The following POGLUT1 variants were observed in gnomAD, a reference collection of about 807,000 sequenced individuals.
The protein encoded by POGLUT1 is protein O-glucosyltransferase 1.
POGLUT1 carries 32 observed loss-of-function variants against 61.3 expected under a neutral mutation model. The observed-to-expected ratio is 0.52, with a 90% CI of 0.39 to 0.70. The LOEUF (loss-of-function observed/expected upper bound fraction) is 0.70, where lower values mean the gene tolerates loss of function less well. POGLUT1 is among the 30% of genes least tolerant of loss of function. The pLI is 0.00. For missense variants in POGLUT1, 411 were observed against 469.8 expected (o/e 0.87, Z 1.16); for synonymous variants, 158 against 158.2 (o/e 1.00, Z 0.01).
chr3:119,482,966 G>T (rs969297884), intron 5 of POGLUT1, among the ~76,000 whole-genome samples: 11 of 152,324 alleles, frequency 7.2e-5, no homozygotes, highest in African/African-American at 2.6e-4. Flanking sequence ...GAGGGAGGAT[G>T]GGTAGGTTAG....
intron 7 of POGLUT1, chr3:119,488,104 C>T (rs570483846): frequency 3.3e-5 from 5 of 152,264 alleles, no homozygotes; most frequent in African/African-American, 1.2e-4. Flanking sequence ...CTAAGTAAAT[C>T]TGAGGTGCAT....
At chr3:119,489,575 G>A (rs2081714854) in intron 8 of POGLUT1, 1 of 152,362 alleles carries the variant, frequency 6.6e-6, no homozygotes, top group South Asian at 2.1e-4. Flanking sequence ...AGCAACTCTG[G>A]TTGGCGACAG....
Position 119,492,438 on chromosome 3 carries a change from G to T in POGLUT1, c.1179G>T (p.Ter393TyrextTer1), listed in dbSNP as rs142667293. ...IIPKMLKTEL[*>Y] is the part of the protein sequence containing the mutation. ...CCAAAATGTTGAAAACTGAACTATA[G>T]TAGTCATCATAGGACCATAGTCCTC... The change falls in exon 11 of 11, where the codon TAG becomes TAT. Residue 393 changes from the stop codon to tyrosine (Y), a stop_lost. Transcript: ENST00000295588. The T allele has an allele frequency of 6.3e-7, 1 of 1,588,538 alleles. No homozygotes were observed. The highest frequency in any genetic ancestry group is 8.6e-7 in the Non-Finnish European group (1 of 1,163,186).
At position 119,490,588 on chromosome 3, in the gene POGLUT1, C is replaced by T. The variant is rs587777297; in HGVS notation, c.835C>T (p.Arg279Trp). The T allele has an allele frequency of 5.0e-6, 8 of 1,614,074 alleles. No individual in the cohort carries two copies. Among genetic ancestry groups the T allele is most frequent in the South Asian group, 3.3e-5 (3 of 91,080 alleles). The change falls in exon 9 of 11, where the codon CGG (arginine) becomes TGG (tryptophan). Residue 279 changes from arginine (R) to tryptophan (W), a missense_variant. By Grantham distance (101) the Arg-to-Trp change is moderately radical. Transcript: ENST00000295588. ...TTTTCGAGGCGTAGCTGCAAGTTTCCGGTTTAAACACCTCTTCCTGTGTGG... is the reference window on the plus strand; with the variant it reads ...TTTTCGAGGCGTAGCTGCAAGTTTCTGGTTTAAACACCTCTTCCTGTGTGG... The part of the protein sequence containing the change: ...FNFRGVAASF[R>W]FKHLFLCGSL...
At chr3:119,471,493 C>A in intron 3 of POGLUT1, 41 bp downstream of exon 3, 3 of 1,586,068 alleles carry the variant, frequency 1.9e-6, no homozygotes, top group Non-Finnish European at 2.6e-6. Flanking sequence ...GACTTTATTA[C>A]ATATGGGCTT....
chr3:119,480,081 G>A lies in POGLUT1; in HGVS notation c.487G>A (p.Ala163Thr), dbSNP rs2081588224. 1 of 1,613,032 alleles carries A rather than the reference G, an allele frequency of 6.2e-7. No individual in the cohort carries two copies. Among genetic ancestry groups the A allele is most frequent in the Non-Finnish European group, 8.5e-7 (1 of 1,179,596 alleles). Residue 163 changes from alanine (A) to threonine (T), a missense_variant, in exon 5 of 11, where the codon GCT becomes ACT. Transcript: ENST00000295588. ...TSEYHDIMYP[A>T]WTFWEGGPAV... ...AGAGTACCATGATATCATGTATCCT[G>A]CTTGGACATTTTGGGAAGGGGGACC... is the stretch of plus-strand genomic sequence containing the variant.
rs929610063 is a variant in POGLUT1 at position 119,494,671 on chromosome 3, A to C, written c.*2233A>C. ...CATGCTTTTCTTCAAGGAAAGAATA[A>C]TTTATTTGAATGAAGTGGGATACTT... On this transcript the variant is annotated 3_prime_UTR_variant, in exon 11 of 11. Transcript: ENST00000295588. 4 of 152,572 alleles carry C rather than the reference A, an allele frequency of 2.6e-5. No homozygotes were observed. The highest frequency in any genetic ancestry group is 5.9e-5 in the Non-Finnish European group (4 of 68,032). The allele number at this position is 152,572 out of a possible 1,614,324, so 9.5% of individuals were successfully genotyped here.
At chr3:119,482,029 G>T (rs904638836) in intron 5 of POGLUT1, among the ~76,000 whole-genome samples, 2 of 152,030 alleles carry the variant, frequency 1.3e-5, no homozygotes, top group Admixed American at 1.3e-4. Flanking sequence ...GGCCTCCAAA[G>T]TGCTGGGATT....
intron 8 of POGLUT1, chr3:119,489,455 C>T (rs1384772145): frequency 1.3e-5 from 2 of 153,510 alleles, no homozygotes; most frequent in East Asian, 3.8e-4. Context: ...AATTCTGGGA[C>T]TAAGAATTAG....
chr3:119,485,898 A>C (rs1272562156), intron 6 of POGLUT1, among the ~76,000 whole-genome samples: 1 of 152,130 alleles, frequency 6.6e-6, no homozygotes, highest in African/African-American at 2.4e-5. Context: ...TAGTAGGAGG[A>C]CCCTGTGTTG....
chr3:119,492,154 G>A, intron 10 of POGLUT1, 128 bp from the exon 11 acceptor site: 2 of 568,166 alleles, frequency 3.5e-6, no homozygotes, highest in Non-Finnish European at 2.9e-6. Context: ...GTTGGTTCTT[G>A]AGGCTCAAAT....
chr3:119,478,234 G>A lies in POGLUT1; in HGVS notation c.456+786G>A. 4 of 408,566 alleles carry A rather than the reference G, an allele frequency of 9.8e-6. No individual in the cohort carries two copies. In the Admixed American group the frequency reaches 1.1e-4, roughly 11 times the overall value. 25.3% of individuals were successfully genotyped at this position (408,566 alleles called of 1,614,324 possible). A position where few individuals can be genotyped will look rare whatever the true frequency, so the allele number is the denominator to read the frequency against. ...AAGAGTGAATTGAGGAAAACCCCAT[G>A]AAATTTGGGAAAAGGAACACTATTT... On this transcript the variant is annotated intron_variant, in intron 4 of 10. Coordinates refer to ENST00000295588, the MANE Select transcript of POGLUT1 (RefSeq NM_152305.3).
chr3:119,489,631 T>TG (rs56906969), intron 8 of POGLUT1: 16,093 of 151,932 alleles, frequency 0.11, 2,101 homozygotes, highest in African/African-American at 0.31. Flanking sequence ...TTTTTTGTTT[T>TG]TTTTTTTTCC....
chr3:119,486,762 C>A, intron 6 of POGLUT1, 71 bp from the exon 7 acceptor site: 1 of 1,024,214 alleles, frequency 9.8e-7, no homozygotes, highest in Non-Finnish European at 1.5e-6. Context: ...TAGTCCTGCT[C>A]ACCTTTCAGG....
chr3:119,478,219 T>G (rs2081563064), intron 4 of POGLUT1: 1 of 395,132 alleles, frequency 2.5e-6, no homozygotes, highest in South Asian at 1.9e-5. Flanking sequence ...AAGAGTGAAT[T>G]GAGGAAAACC....
In POGLUT1 at chr3:119,471,036, G is replaced by A. The variant is rs539082732; in HGVS notation, c.177-273G>A. On this transcript the variant is annotated intron_variant, in intron 2 of 10. Coordinates refer to ENST00000295588, the MANE Select transcript of POGLUT1 (RefSeq NM_152305.3). ...AGGACACAGGTGTGGCATGAGTAGC[G>A]AAAGAGAAATACAGAACTGCCAAGG... Among the ~76,000 whole-genome samples, 4 of 152,208 alleles carry A rather than the reference G, an allele frequency of 2.6e-5. No individual in the cohort carries two copies. The East Asian group carries it at 7.7e-4, about 29-fold the overall frequency.
intron 9 of POGLUT1, 151 bp from the exon 10 acceptor site, chr3:119,491,367 C>G: frequency 7.3e-6 from 3 of 411,246 alleles, no homozygotes; most frequent in South Asian, 6.9e-5. Context: ...TTATTTTGTT[C>G]TTGAGAGAAC....
Position 119,492,668 on chromosome 3 carries a change from G to A in POGLUT1, c.*230G>A, listed in dbSNP as rs147934740. ...TTTGGATGAATAAGGACCAGAAATC[G>A]TGAGATGTGGATTTTGAACCCAACT... On this transcript the variant is annotated 3_prime_UTR_variant, in exon 11 of 11. Transcript: ENST00000295588. The A allele has an allele frequency of 4.2e-5, 11 of 261,664 alleles. No individual in the cohort carries two copies. Among genetic ancestry groups the A allele is most frequent in the South Asian group, 3.7e-4 (3 of 8,090 alleles). 16.2% of individuals were successfully genotyped at this position (261,664 alleles called of 1,614,324 possible).
chr3:119,491,516 A>T lies in POGLUT1; in HGVS notation c.966-2A>T, dbSNP rs1179385703. ...CACAGTCTAAAATTCTTTTCATTTT[A>T]GAGAGCTGTTACAATTTGTAAAAGC... On this transcript the variant is annotated splice_acceptor_variant, in intron 9 of 10. Coordinates refer to ENST00000295588, the MANE Select transcript of POGLUT1 (RefSeq NM_152305.3). LOFTEE classifies it high-confidence loss of function. 1 of 1,470,322 alleles carries T rather than the reference A, an allele frequency of 6.8e-7. No individual in the cohort carries two copies. The highest frequency in any genetic ancestry group is 9.4e-7 in the Non-Finnish European group (1 of 1,062,326). 91.1% of individuals were successfully genotyped at this position (1,470,322 alleles called of 1,614,324 possible).
Sources: gnomAD v4.1 joint callset for allele counts (sites outside exome capture counted in the v4.1 genomes callset) on GRCh38, gnomAD v4.1.1 for gene constraint, MANE v1.5 for transcripts, NCBI Gene and HGNC (gene_info 2026-07-23, HGNC 2026-07-21) for gene names.